BBX: variants seen among roughly 807,000 people sequenced by gnomAD.
BBX encodes HMG box transcription factor BBX.
In BBX, 30 loss-of-function variants were observed where a neutral mutation model predicts 100.2. That is an observed-to-expected ratio of 0.30 (90% confidence interval 0.22 to 0.41). The LOEUF is 0.41. BBX is among the 10% of genes least tolerant of loss of function. The pLI is 1.00. For missense variants in BBX, 1,023 were observed against 1,129.8 expected (o/e 0.91, Z 1.35); for synonymous variants, 376 against 388.1 (o/e 0.97, Z 0.37).
At chr3:107,757,088 T>C (rs1428695056) in intron 10 of BBX, among the ~76,000 whole-genome samples, 1 of 152,144 alleles carries the variant, frequency 6.6e-6, no homozygotes, top group Admixed American at 6.6e-5. Context: ...TAATTGCATG[T>C]GTATGTATGT....
chr3:107,686,510 T>C (rs893093559), intron 3 of BBX, among the ~76,000 whole-genome samples: 1 of 152,160 alleles, frequency 6.6e-6, no homozygotes, highest in South Asian at 2.1e-4. Flanking sequence ...TAAAACTGTT[T>C]TGGAAGATAG....
chr3:107,761,880 C>T (rs2107709245), intron 10 of BBX, among the ~76,000 whole-genome samples: 1 of 152,230 alleles, frequency 6.6e-6, no homozygotes, highest in East Asian at 1.9e-4. Flanking sequence ...GTGTATGATT[C>T]CATTTAAGAT....
chr3:107,754,992 T>C (rs1456704432), intron 9 of BBX, among the ~76,000 whole-genome samples: 1 of 152,242 alleles, frequency 6.6e-6, no homozygotes, highest in Non-Finnish European at 1.5e-5. Context: ...ACATATGTTA[T>C]GTACTGCAAC....
chr3:107,636,847 G>C, intron 2 of BBX, among the ~76,000 whole-genome samples: 1 of 152,202 alleles, frequency 6.6e-6, no homozygotes, highest in South Asian at 2.1e-4. Context: ...TTAATTATTG[G>C]TAGAGCATTT....
At chr3:107,675,921 A>G (rs955197149) in intron 3 of BBX, among the ~76,000 whole-genome samples, 1 of 152,170 alleles carries the variant, frequency 6.6e-6, no homozygotes, top group Non-Finnish European at 1.5e-5. Flanking sequence ...TCTTTAAACT[A>G]TCCTATAAAT....
intron 5 of BBX, among the ~76,000 whole-genome samples, chr3:107,726,549 G>A (rs947228743): frequency 1.3e-5 from 2 of 151,980 alleles, no homozygotes; most frequent in African/African-American, 2.4e-5. Flanking sequence ...CAGTTACAGA[G>A]TGTTGACCCT....
intron 3 of BBX, among the ~76,000 whole-genome samples, chr3:107,687,104 A>T (rs923222553): frequency 2.0e-5 from 3 of 152,152 alleles, no homozygotes; most frequent in African/African-American, 4.8e-5. Flanking sequence ...TTTTTTCCTT[A>T]GTACAGAATT....
At chr3:107,627,261 T>G (rs1367410579) in intron 2 of BBX, among the ~76,000 whole-genome samples, 1 of 152,232 alleles carries the variant, frequency 6.6e-6, no homozygotes, top group African/African-American at 2.4e-5. Context: ...AATACCTGTT[T>G]GATTAGTGTG....
At chr3:107,554,289 T>C (rs1034753536) in intron 2 of BBX, among the ~76,000 whole-genome samples, 4 of 152,254 alleles carry the variant, frequency 2.6e-5, no homozygotes, top group African/African-American at 9.6e-5. Flanking sequence ...TGGCTGTTAC[T>C]TGTGGAAAAT....
chr3:107,550,662 A>C lies in BBX; in HGVS notation c.-84+24264A>C, dbSNP rs192313550. Among the ~76,000 whole-genome samples, 486 of 152,304 alleles carry C rather than the reference A, an allele frequency of 3.2e-3. 3 individuals are homozygous for C. In the South Asian group the frequency reaches 0.042, roughly 13 times the overall value. ...TACAAGGGAAATGTATCTTCTAAGT[A>C]AGATCAGGGTCAGATCCTGGGGAGG... On this transcript the variant is annotated intron_variant, in intron 2 of 17. Coordinates refer to ENST00000325805, the MANE Select transcript of BBX (RefSeq NM_001142568.3).
intron 5 of BBX, among the ~76,000 whole-genome samples, chr3:107,725,933 C>T (rs1368763654): frequency 6.6e-6 from 1 of 151,958 alleles, no homozygotes; most frequent in Non-Finnish European, 1.5e-5. Context: ...GAGAGTCTTC[C>T]ATTGAAATCT....
intron 2 of BBX, among the ~76,000 whole-genome samples, chr3:107,535,078 T>C (rs890775499): frequency 3.3e-5 from 5 of 152,250 alleles, no homozygotes; most frequent in African/African-American, 1.2e-4. Context: ...TTGAATAACT[T>C]GTCTGAAGTC....
intron 1 of BBX, chr3:107,524,623 G>C (rs976505232): frequency 3.5e-5 from 5 of 144,402 alleles, no homozygotes; most frequent in African/African-American, 5.1e-5. Context: ...GAGGGGGGGG[G>C]GGGGAGAGGG....
At chr3:107,533,268 A>G (rs987831023) in intron 2 of BBX, among the ~76,000 whole-genome samples, 7 of 152,208 alleles carry the variant, frequency 4.6e-5, no homozygotes, top group Non-Finnish European at 1.0e-4. Flanking sequence ...ATCCTATTGC[A>G]TTAACTTCCT....
intron 3 of BBX, among the ~76,000 whole-genome samples, chr3:107,700,842 G>A (rs540974292): frequency 6.6e-6 from 1 of 151,840 alleles, no homozygotes; most frequent in Non-Finnish European, 1.5e-5. Context: ...GTCGATCATT[G>A]TTGGACATTT....
rs186994555 is a variant in BBX, at chr3:107,805,307, G to A, written c.2739-63G>A. On this transcript the variant is annotated intron_variant, in intron 17 of 17. Transcript: ENST00000325805. ...TATTGGAACACACTTGTTATTCATC[G>A]TCCTCTCCTGTCTCTAATAACATAT... is the stretch of plus-strand genomic sequence containing the variant. 256 of 1,473,420 alleles carry A rather than the reference G, an allele frequency of 1.7e-4. 1 individual carries two copies. Among genetic ancestry groups the A allele is most frequent in the Admixed American group, 1.0e-4 (5 of 49,554 alleles). The allele number at this position is 1,473,420 out of a possible 1,614,324, so 91.3% of individuals were successfully genotyped here.
intron 10 of BBX, among the ~76,000 whole-genome samples, chr3:107,760,874 G>T (rs568741227): frequency 6.6e-6 from 1 of 152,128 alleles, no homozygotes; most frequent in Admixed American, 6.5e-5. Context: ...AATATTTGAA[G>T]ATTAAAACTT....
chr3:107,554,473 A>G (rs2049932027), intron 2 of BBX, among the ~76,000 whole-genome samples: 1 of 152,194 alleles, frequency 6.6e-6, no homozygotes, highest in African/African-American at 2.4e-5. Flanking sequence ...TTTTATATGT[A>G]TCTAGCTCAC....
At chr3:107,754,331 A>G (rs1215266518) in intron 9 of BBX, among the ~76,000 whole-genome samples, 2 of 152,220 alleles carry the variant, frequency 1.3e-5, no homozygotes, top group African/African-American at 4.8e-5. Context: ...AGTAGCATTT[A>G]TCAGTGAAAA....
Sources: allele counts gnomAD v4.1 joint callset (sites outside exome capture counted in the v4.1 genomes callset), GRCh38; gene constraint gnomAD v4.1.1; transcripts MANE v1.5; gene names NCBI Gene and HGNC (gene_info 2026-07-23, HGNC 2026-07-21).